The following USP9Y variants were observed in gnomAD, a reference collection of about 807,000 sequenced individuals.
The protein encoded by USP9Y is ubiquitin specific peptidase 9 Y-linked.
A neutral mutation model predicts 53.1 loss-of-function variants in USP9Y; 41 were observed. The observed-to-expected ratio is 0.77, with a 90% CI of 0.60 to 1.00. USP9Y has a LOEUF of 1.00. Ranked by LOEUF, USP9Y falls within the 50% of genes least tolerant of loss-of-function variation. The pLI is 0.00. For missense variants in USP9Y, 567 were observed against 535.8 expected (o/e 1.06, Z -0.58); for synonymous variants, 220 against 173.7 (o/e 1.27, Z -2.09).
At chrY:12,797,313 T>G in intron 27 of USP9Y, among the ~76,000 whole-genome samples, 1 of 33,273 alleles carries the variant, frequency 3.0e-5, no homozygotes, top group South Asian at 6.8e-4. Context: ...AGCTTGGTTT[T>G]ACACATTTTA....
intron 6 of USP9Y, 115 bp downstream of exon 6, chrY:12,725,340 A>T: frequency 6.2e-6 from 1 of 161,995 alleles, no homozygotes; most frequent in South Asian, 4.8e-5. Context: ...GCTGATATAT[A>T]CTGCATAATT....
At chrY:12,809,424 T>C (rs2053527649) in intron 27 of USP9Y, among the ~76,000 whole-genome samples, 2 of 32,755 alleles carry the variant, frequency 6.1e-5, no homozygotes, top group African/African-American at 2.4e-4. Context: ...GGGACTTTTA[T>C]AAGCCCTTGA....
In USP9Y at chrY:12,761,337, T is replaced by C; in HGVS notation, c.1900+720T>C. Among the ~76,000 whole-genome samples the C allele has an allele frequency of 8.8e-5, 3 of 34,100 alleles. No individual in the cohort carries two copies. The South Asian group carries it at 1.9e-3, about 22-fold the overall frequency. 91.5% of individuals were successfully genotyped at this position (34,100 alleles called of 37,273 possible). ...ATAATTCTGAAATATTGTTATCCAT[T>C]GTTTAAAGAGCTTATTAGAAATTCA... On this transcript the variant is annotated intron_variant, in intron 15 of 45. Coordinates refer to ENST00000338981, the MANE Select transcript of USP9Y (RefSeq NM_004654.4).
chrY:12,792,456 A>G (rs2053509337), intron 26 of USP9Y, among the ~76,000 whole-genome samples: 1 of 34,118 alleles, frequency 2.9e-5, no homozygotes, highest in Non-Finnish European at 7.3e-5. Context: ...TAGAACCCTG[A>G]TGGTCTCCAT....
At position 12,776,849 on chromosome Y, in the gene USP9Y, A is replaced by C. The variant is rs2032600; in HGVS notation, c.2628A>C (p.Leu876=). Residue 876 remains leucine, a synonymous_variant, in exon 19 of 46, where the codon CTA becomes CTC. Coordinates refer to ENST00000338981, the MANE Select transcript of USP9Y (RefSeq NM_004654.4). The part of the protein sequence containing the change: ...DSDYHKERMI[L]PMSRAFRGKH... ...ATTATCACAAGGAAAGAATGATTCT[A>C]CCTATGTCGAGGTTTGTGTGAAGTT... 1,421 of 392,509 alleles carry C rather than the reference A, an allele frequency of 3.6e-3. No homozygotes were observed. In the Middle Eastern group the frequency reaches 0.056, roughly 16 times the overall value.
At chrY:12,721,639 C>T (rs2053435688) in intron 4 of USP9Y, among the ~76,000 whole-genome samples, 2 of 32,984 alleles carry the variant, frequency 6.1e-5, no homozygotes, top group Non-Finnish European at 7.4e-5. Flanking sequence ...GAGGCCCACA[C>T]CTGAGACGTG....
At chrY:12,702,873 G>C in intron 1 of USP9Y, among the ~76,000 whole-genome samples, 1 of 32,931 alleles carries the variant, frequency 3.0e-5, no homozygotes, top group Non-Finnish European at 7.5e-5. Flanking sequence ...TCTCTGAATA[G>C]GCACAGTTTT....
chrY:12,825,324 A>G, intron 33 of USP9Y, among the ~76,000 whole-genome samples: 1 of 33,516 alleles, frequency 3.0e-5, no homozygotes, highest in African/African-American at 1.2e-4. Context: ...ATATACACAT[A>G]TATTTCCAAG....
chrY:12,843,306 C>T, intron 39 of USP9Y, 113 bp downstream of exon 39: 1 of 161,811 alleles, frequency 6.2e-6, no homozygotes, highest in Non-Finnish European at 1.1e-5. Flanking sequence ...AAGCAATATA[C>T]CATATTCATA....
chrY:12,811,562 C>G lies in USP9Y; in HGVS notation c.4240-73C>G. On this transcript the variant is annotated intron_variant, in intron 29 of 45. Coordinates refer to ENST00000338981, the MANE Select transcript of USP9Y (RefSeq NM_004654.4). ...GAAGATCTCATTTCCTTCCAGCTCT[C>G]TGTTCTCCTAACTCCTTGTCCTTTT... The G allele has an allele frequency of 8.6e-6, 3 of 348,893 alleles. No individual in the cohort carries two copies. The Admixed American group carries it at 2.3e-4, about 27-fold the overall frequency. The allele number at this position is 348,893 out of a possible 400,897, so 87.0% of individuals were successfully genotyped here.
At chrY:12,812,374 G>A (rs2053531844) in intron 30 of USP9Y, among the ~76,000 whole-genome samples, 2 of 33,281 alleles carry the variant, frequency 6.0e-5, no homozygotes, top group African/African-American at 1.2e-4. Flanking sequence ...AAGCAGCATT[G>A]AGGTGATTTT....
At chrY:12,841,948 C>T in intron 37 of USP9Y, among the ~76,000 whole-genome samples, 1 of 33,252 alleles carries the variant, frequency 3.0e-5, no homozygotes, top group African/African-American at 1.2e-4. Flanking sequence ...TTTAACAACT[C>T]TTAGCATTGC....
At chrY:12,733,006 G>A (rs1569387648) in intron 7 of USP9Y, among the ~76,000 whole-genome samples, 1 of 31,305 alleles carries the variant, frequency 3.2e-5, no homozygotes, top group East Asian at 8.3e-4. Flanking sequence ...CTGCCTCCCT[G>A]GTTCAAGCGA....
At chrY:12,767,606 C>CTG (rs199662654) in intron 15 of USP9Y, among the ~76,000 whole-genome samples, 425 of 26,613 alleles carry the variant, frequency 0.016, no homozygotes, top group East Asian at 0.085. Flanking sequence ...GTGTGTGTAT[C>CTG]TGTGTGTGTG....
At chrY:12,755,365 A>G (rs2053467420) in intron 12 of USP9Y, among the ~76,000 whole-genome samples, 5 of 31,034 alleles carry the variant, frequency 1.6e-4, no homozygotes, top group Admixed American at 3.0e-4. Context: ...CAGGATTTCT[A>G]TATTGGTCAG....
intron 16 of USP9Y, 63 bp from the exon 17 acceptor site, chrY:12,773,520 T>C (rs2053488155): frequency 3.4e-6 from 1 of 297,914 alleles, no homozygotes; most frequent in Non-Finnish European, 5.2e-6. Flanking sequence ...GTTGTGCCTG[T>C]CAAAACTTGC....
At position 12,833,858 on chromosome Y, in the gene USP9Y, A is replaced by G; in HGVS notation, c.5192A>G (p.His1731Arg). ...CAGAAGATCTGCCAAGGCTGCCCAC[A>G]TAGGTAAGTGCTAATTATGTTTTTA... ...ADQKICQGCP[H>R]RYECEESFTT... Residue 1731 changes from histidine to arginine, a missense_variant, in exon 34 of 46, where the codon CAT becomes CGT. Coordinates refer to ENST00000338981, the MANE Select transcript of USP9Y (RefSeq NM_004654.4). The G allele has an allele frequency of 2.5e-6, 1 of 396,519 alleles. No individual in the cohort carries two copies. Among genetic ancestry groups the G allele is most frequent in the Non-Finnish European group, 3.5e-6 (1 of 282,577 alleles).
At chrY:12,770,912 CTG>C (rs2053485103) in intron 15 of USP9Y, among the ~76,000 whole-genome samples, 154 bp from the exon 16 acceptor site, 1 of 33,513 alleles carries the variant, frequency 3.0e-5, no homozygotes, top group Non-Finnish European at 7.3e-5. Flanking sequence ...TAAAAAGTGA[CTG>C]TATTTTTGTG....
At chrY:12,749,822 A>C (rs2053462841) in intron 12 of USP9Y, among the ~76,000 whole-genome samples, 1 of 34,002 alleles carries the variant, frequency 2.9e-5, no homozygotes, top group Admixed American at 2.7e-4. Context: ...AACATTTACA[A>C]ATTATGAAGC....
Sources: gnomAD v4.1 joint callset for allele counts (sites outside exome capture counted in the v4.1 genomes callset) on GRCh38, gnomAD v4.1.1 for gene constraint, MANE v1.5 for transcripts, NCBI Gene and HGNC (gene_info 2026-07-23, HGNC 2026-07-21) for gene names.